Variants in BACH2 observed in about 807,000 individuals in gnomAD.
The protein encoded by BACH2 is BACH transcriptional regulator 2.
In BACH2, 5 loss-of-function variants were observed where a neutral mutation model predicts 61.8. The ratio of observed to expected loss-of-function variants is 0.08; its 90% CI spans 0.04 to 0.17. The LOEUF (loss-of-function observed/expected upper bound fraction) is 0.17, where lower values mean the gene tolerates loss of function less well. Among genes scored for constraint, BACH2 ranks in the 10% least tolerant of loss-of-function variants. The pLI, the probability that BACH2 is intolerant of heterozygous loss-of-function variation, is 1.00. For synonymous variants in BACH2, 446 were observed against 440.1 expected (o/e 1.01, Z -0.17); for missense variants, 824 against 1,091.1 (o/e 0.76, Z 3.45).
chr6:90,122,152 C>A (rs1023415003), intron 4 of BACH2, among the ~76,000 whole-genome samples: 2 of 152,220 alleles, frequency 1.3e-5, no homozygotes, highest in African/African-American at 4.8e-5. Flanking sequence ...GCAAAGCACA[C>A]CATGGGCCAA....
chr6:90,087,659 A>G (rs1426295754), intron 5 of BACH2, among the ~76,000 whole-genome samples: 1 of 152,120 alleles, frequency 6.6e-6, no homozygotes, highest in Non-Finnish European at 1.5e-5. Context: ...AGAACTTAGA[A>G]TCTCACAAAA....
chr6:90,052,870 C>A (rs1780122032), intron 5 of BACH2, among the ~76,000 whole-genome samples: 1 of 152,132 alleles, frequency 6.6e-6, no homozygotes, highest in Non-Finnish European at 1.5e-5. Flanking sequence ...AATGTTTACT[C>A]TATTTTTTAG....
At chr6:90,216,098 C>G (rs1381637810) in intron 3 of BACH2, among the ~76,000 whole-genome samples, 1 of 152,244 alleles carries the variant, frequency 6.6e-6, no homozygotes, top group Non-Finnish European at 1.5e-5. Context: ...CAGGGAGTCA[C>G]TGCGTTCTCC....
intron 8 of BACH2, among the ~76,000 whole-genome samples, chr6:89,936,589 GC>G (rs1177670222): frequency 2.0e-5 from 3 of 152,198 alleles, no homozygotes; most frequent in Admixed American, 6.5e-5. Flanking sequence ...TGGAGAGGTA[GC>G]TACAGACTGG....
chr6:90,029,028 C>G (rs992157688), intron 5 of BACH2, among the ~76,000 whole-genome samples: 3 of 152,230 alleles, frequency 2.0e-5, no homozygotes, highest in African/African-American at 7.2e-5. Flanking sequence ...TTTCCCCATT[C>G]ACGTTTCATT....
At chr6:89,979,693 T>C (rs755771211) in intron 6 of BACH2, among the ~76,000 whole-genome samples, 1 of 152,182 alleles carries the variant, frequency 6.6e-6, no homozygotes, top group African/African-American at 2.4e-5. Flanking sequence ...ATCTGTTCAT[T>C]GAACAAACCG....
intron 4 of BACH2, among the ~76,000 whole-genome samples, chr6:90,151,575 GCCA>G (rs1392398813): frequency 6.6e-6 from 1 of 152,172 alleles, no homozygotes; most frequent in Non-Finnish European, 1.5e-5. Flanking sequence ...ACAGATATGA[GCCA>G]CCACATCTAG....
At chr6:90,146,639 T>G (rs1048243992) in intron 4 of BACH2, among the ~76,000 whole-genome samples, 1 of 152,136 alleles carries the variant, frequency 6.6e-6, no homozygotes, top group Non-Finnish European at 1.5e-5. Context: ...AAATAGAAAA[T>G]TGAAAAATTA....
chr6:90,174,029 A>C (rs1337960125), intron 4 of BACH2, among the ~76,000 whole-genome samples: 1 of 152,170 alleles, frequency 6.6e-6, no homozygotes, highest in African/African-American at 2.4e-5. Flanking sequence ...GCCATCACAT[A>C]TTAATAGAAA....
chr6:90,000,398 CTT>C (rs769800347), intron 6 of BACH2, among the ~76,000 whole-genome samples: 6 of 152,064 alleles, frequency 3.9e-5, no homozygotes, highest in Non-Finnish European at 7.4e-5. Context: ...TATTTATTTG[CTT>C]TTTTTTCATC....
At chr6:90,049,423 G>C (rs751628708) in intron 5 of BACH2, among the ~76,000 whole-genome samples, 1 of 152,194 alleles carries the variant, frequency 6.6e-6, no homozygotes, top group Non-Finnish European at 1.5e-5. Context: ...GCGAAGAAGA[G>C]AGCCACAGGA....
intron 1 of BACH2, among the ~76,000 whole-genome samples, chr6:90,289,658 AAAAAACAAAAAACAAACAAAC>A (rs1772122636): frequency 6.6e-6 from 1 of 152,140 alleles, no homozygotes; most frequent in African/African-American, 2.4e-5. Context: ...GAAAAATAGC[AAAAAACAAAAAACAAACAAAC>A]AAAAACAAAA....
intron 4 of BACH2, among the ~76,000 whole-genome samples, chr6:90,163,046 T>A (rs184652157): frequency 6.6e-6 from 1 of 152,332 alleles, no homozygotes; most frequent in Admixed American, 6.5e-5. Context: ...TGTACCCATC[T>A]CAGATAAAGG....
intron 7 of BACH2, among the ~76,000 whole-genome samples, chr6:89,940,512 C>T (rs1036776124): frequency 4.6e-5 from 7 of 152,184 alleles, no homozygotes; most frequent in Admixed American, 6.5e-5. Flanking sequence ...TCAGTCTGGT[C>T]CTGCTTCAGA....
intron 6 of BACH2, chr6:89,952,127 G>A: frequency 2.0e-6 from 1 of 506,512 alleles, no homozygotes. Context: ...ATGACAACGG[G>A]TTCAGTGTTT....
At chr6:89,967,717 T>C (rs779591163) in intron 6 of BACH2, among the ~76,000 whole-genome samples, 4 of 152,270 alleles carry the variant, frequency 2.6e-5, no homozygotes, top group South Asian at 4.1e-4. Flanking sequence ...AGAGGCACCA[T>C]TGTGGTAAAA....
chr6:90,186,356 A>G (rs1404840035), intron 4 of BACH2, among the ~76,000 whole-genome samples: 2 of 152,216 alleles, frequency 1.3e-5, no homozygotes, highest in Non-Finnish European at 2.9e-5. Flanking sequence ...TCCAGACCCC[A>G]CAAAGTTCTT....
At chr6:90,201,040 A>T (rs1768940350) in intron 4 of BACH2, among the ~76,000 whole-genome samples, 1 of 152,160 alleles carries the variant, frequency 6.6e-6, no homozygotes, top group South Asian at 2.1e-4. Flanking sequence ...TTCGCAATTT[A>T]TTTAGAACAT....
At chr6:90,284,275 T>C (rs1012490473) in intron 1 of BACH2, among the ~76,000 whole-genome samples, 5 of 152,106 alleles carry the variant, frequency 3.3e-5, no homozygotes, top group African/African-American at 1.2e-4. Context: ...TGCAAAAAGA[T>C]GAACGTACAC....
Sources: gnomAD v4.1 joint callset for allele counts (sites outside exome capture counted in the v4.1 genomes callset) on GRCh38, gnomAD v4.1.1 for gene constraint, MANE v1.5 for transcripts, NCBI Gene and HGNC (gene_info 2026-07-23, HGNC 2026-07-21) for gene names.